CHD9: variants seen among roughly 807,000 people sequenced by gnomAD.
CHD9 encodes the protein chromodomain helicase DNA binding protein 9.
In CHD9, 77 loss-of-function variants were observed where a neutral mutation model predicts 316.1. That is an observed-to-expected ratio of 0.24 (90% CI 0.20 to 0.29). The LOEUF (loss-of-function observed/expected upper bound fraction) is 0.29, where lower values mean the gene tolerates loss of function less well. Among genes scored for constraint, CHD9 ranks in the 10% least tolerant of loss-of-function variants. CHD9 has a pLI of 1.00. For synonymous variants in CHD9, 1,129 were observed against 1,158.3 expected, an observed-to-expected ratio of 0.97 and a Z score of 0.51; for missense variants, 2,763 against 3,438.1, an observed-to-expected ratio of 0.80 and a Z score of 4.91.
rs1242389407 is a variant in CHD9, at chr16:53,157,352, A to C, written c.1263A>C (p.Ser421=). Residue 421 remains serine, a synonymous_variant, in exon 2 of 39, where the codon TCA becomes TCC. Coordinates refer to ENST00000447540, the MANE Select transcript of CHD9 (RefSeq NM_001308319.2). Reference sequence around the variant, plus strand: ...GTCTTCTTCCTCACTTTGATGAGTCAACATTCGGACAAGATAATTCAAGTC... The same window carrying C: ...GTCTTCTTCCTCACTTTGATGAGTCCACATTCGGACAAGATAATTCAAGTC... ...QEGLLPHFDE[S]TFGQDNSSHI... 2 of 1,613,964 alleles carry C rather than the reference A, an allele frequency of 1.2e-6. No individual in the cohort carries two copies. The highest frequency in any genetic ancestry group is 1.7e-6 in the Non-Finnish European group (2 of 1,179,854).
At chr16:53,226,591 C>T in intron 5 of CHD9, 79 bp downstream of exon 5, 1 of 1,476,408 alleles carries the variant, frequency 6.8e-7, no homozygotes. Context: ...GTTTTTCCTA[C>T]TAAAAATTGC....
At chr16:53,287,088 A>G (rs933573644) in intron 26 of CHD9, among the ~76,000 whole-genome samples, 1 of 152,092 alleles carries the variant, frequency 6.6e-6, no homozygotes, top group Non-Finnish European at 1.5e-5. Context: ...TCTCCTGAGT[A>G]TCTGGGACCA....
intron 1 of CHD9, among the ~76,000 whole-genome samples, chr16:53,110,223 T>C (rs1342283041): frequency 6.6e-6 from 1 of 152,122 alleles, no homozygotes; most frequent in Non-Finnish European, 1.5e-5. Flanking sequence ...GAACTGAACT[T>C]ACAGGAACAA....
chr16:53,184,213 A>G (rs2043789277), intron 2 of CHD9, among the ~76,000 whole-genome samples: 2 of 152,044 alleles, frequency 1.3e-5, no homozygotes, highest in African/African-American at 4.8e-5. Context: ...AGTGCCTATT[A>G]TGTTCTAAAC....
rs762415924 is a variant in CHD9 at position 53,156,644 on chromosome 16, T to C, written c.555T>C (p.Asn185=). The change falls in exon 2 of 39, where the codon AAT becomes AAC. Residue 185 remains asparagine, a synonymous_variant. Transcript: ENST00000447540. ...TSLRSQQNRN[N]LNPGQNSLSQ... The stretch of plus-strand genomic sequence containing the variant: ...TACGCTCACAACAAAACAGAAATAA[T>C]CTCAACCCAGGGCAGAATTCTCTTA... The C allele has an allele frequency of 1.3e-5, 21 of 1,613,778 alleles. No individual in the cohort carries two copies. The highest frequency in any genetic ancestry group is 1.7e-5 in the Non-Finnish European group (20 of 1,179,870).
At chr16:53,135,941 A>G (rs1472985593) in intron 1 of CHD9, among the ~76,000 whole-genome samples, 2 of 152,194 alleles carry the variant, frequency 1.3e-5, no homozygotes, top group African/African-American at 2.4e-5. Context: ...GGATATATAT[A>G]GTATTGGGTG....
At chr16:53,084,851 C>T (rs1369178443) in intron 1 of CHD9, among the ~76,000 whole-genome samples, 1 of 152,190 alleles carries the variant, frequency 6.6e-6, no homozygotes, top group Non-Finnish European at 1.5e-5. Context: ...TCAAGTCTTT[C>T]GTGGTATGCC....
intron 1 of CHD9, chr16:53,121,534 G>A: frequency 7.2e-6 from 3 of 414,954 alleles, no homozygotes; most frequent in Non-Finnish European, 9.6e-6. Context: ...GGATAAACTA[G>A]ATAAAACTTG....
chr16:53,143,630 G>A (rs982600063), intron 1 of CHD9, among the ~76,000 whole-genome samples: 10 of 151,840 alleles, frequency 6.6e-5, no homozygotes, highest in East Asian at 3.9e-4. Flanking sequence ...CTCGTGATCC[G>A]CCCACCTTGG....
intron 36 of CHD9, among the ~76,000 whole-genome samples, chr16:53,316,443 G>A (rs1365165710): frequency 3.3e-5 from 5 of 151,950 alleles, no homozygotes; most frequent in Non-Finnish European, 5.9e-5. Flanking sequence ...CTTTATCACT[G>A]CAAAAGGGCC....
chr16:53,100,839 A>T (rs1362443229), intron 1 of CHD9, among the ~76,000 whole-genome samples: 2 of 152,170 alleles, frequency 1.3e-5, no homozygotes, highest in East Asian at 3.8e-4. Context: ...TCTGTCTCCA[A>T]TCTGTAATAT....
At chr16:53,067,842 C>G (rs2033660970) in intron 1 of CHD9, among the ~76,000 whole-genome samples, 1 of 151,976 alleles carries the variant, frequency 6.6e-6, no homozygotes, top group Admixed American at 6.6e-5. Context: ...GCAGCCCACA[C>G]TAGAGCCCAG....
intron 30 of CHD9, 35 bp from the exon 31 acceptor site, chr16:53,303,685 G>T (rs1180276810): frequency 2.1e-6 from 3 of 1,425,734 alleles, no homozygotes; most frequent in Non-Finnish European, 2.8e-6. Context: ...AAGGATTTTT[G>T]AGATTAATAT....
chr16:53,068,653 T>A (rs559296413), intron 1 of CHD9, among the ~76,000 whole-genome samples: 2 of 152,174 alleles, frequency 1.3e-5, no homozygotes, highest in Non-Finnish European at 2.9e-5. Flanking sequence ...CCTCATCACT[T>A]TTAACCCATT....
intron 19 of CHD9, 123 bp downstream of exon 19, chr16:53,255,902 ATGT>A: frequency 1.1e-6 from 1 of 873,706 alleles, no homozygotes; most frequent in Non-Finnish European, 1.8e-6. Flanking sequence ...GCAGTAGGTA[ATGT>A]ATTTTCCTTC....
chr16:53,144,906 C>G (rs529277530), intron 1 of CHD9, among the ~76,000 whole-genome samples: 1 of 150,420 alleles, frequency 6.6e-6, no homozygotes, highest in Non-Finnish European at 1.5e-5. Flanking sequence ...GTGGGTGGTT[C>G]ACTTGAGTAC....
Position 53,184,563 on chromosome 16 carries a change from T to A in CHD9, c.1453-24919T>A, listed in dbSNP as rs181974541. On this transcript the variant is annotated intron_variant, in intron 2 of 38. Transcript: ENST00000447540. ...TTTCACCACAGTGCCCAGGCTGGAC[T>A]TGAACTCCTGGGCTCAAGTGATCCT... is the stretch of plus-strand genomic sequence containing the variant. 2.0e-5 allele frequency among the ~76,000 whole-genome samples: 3 copies of A among 152,266 alleles called. No individual in the cohort carries two copies. The East Asian group carries it at 5.8e-4, about 29-fold the overall frequency.
chr16:53,307,231 A>G (rs1182571448), intron 32 of CHD9, among the ~76,000 whole-genome samples: 1 of 152,190 alleles, frequency 6.6e-6, no homozygotes, highest in African/African-American at 2.4e-5. Flanking sequence ...TTTAATTATA[A>G]CAGCAAAAAT....
chr16:53,080,690 G>T (rs1004589573), intron 1 of CHD9, among the ~76,000 whole-genome samples: 1 of 152,130 alleles, frequency 6.6e-6, no homozygotes, highest in African/African-American at 2.4e-5. Context: ...CTGCAAATGC[G>T]CACAGCCCAA....
Sources: gnomAD v4.1 joint callset for allele counts (sites outside exome capture counted in the v4.1 genomes callset) on GRCh38, gnomAD v4.1.1 for gene constraint, MANE v1.5 for transcripts, NCBI Gene and HGNC (gene_info 2026-07-23, HGNC 2026-07-21) for gene names.